UQCC5: variants seen among roughly 807,000 people sequenced by gnomAD.
UQCC5 encodes the protein ubiquinol-cytochrome c reductase complex assembly factor 5, also known as UPF0640 protein C3orf78.
the UQCC5 span, among the ~76,000 whole-genome samples, chr3:52,537,307 C>T: frequency 3.3e-5 from 5 of 152,224 alleles, no homozygotes; most frequent in African/African-American, 4.8e-5. Flanking sequence ...CTGGAGGGAG[C>T]TGATCTGCCT....
At chr3:52,538,355 T>C in the UQCC5 span, among the ~76,000 whole-genome samples, 12 of 152,314 alleles carry the variant, frequency 7.9e-5, no homozygotes, top group Admixed American at 2.6e-4. Context: ...GAGGTAGATA[T>C]GGTTATACAG....
the UQCC5 span, among the ~76,000 whole-genome samples, chr3:52,539,811 G>C: frequency 2.6e-5 from 4 of 152,042 alleles, no homozygotes; most frequent in African/African-American, 7.2e-5. Context: ...GTTAATTTTT[G>C]TATTTTTAGT....
At chr3:52,539,926 T>C in the UQCC5 span, among the ~76,000 whole-genome samples, 2 of 152,234 alleles carry the variant, frequency 1.3e-5, no homozygotes, top group African/African-American at 2.4e-5. Flanking sequence ...CGTGAGCCAC[T>C]GTGCCCGGCC....
the UQCC5 span, chr3:52,540,618 T>C: frequency 3.0e-6 from 2 of 662,048 alleles, no homozygotes; most frequent in Non-Finnish European, 4.8e-6. Flanking sequence ...TTCCAATAAC[T>C]GTTTTTGCAA....
the UQCC5 span, among the ~76,000 whole-genome samples, chr3:52,539,941 A>G: frequency 6.6e-6 from 1 of 152,172 alleles, no homozygotes; most frequent in Non-Finnish European, 1.5e-5. Context: ...CCGGCCTGGA[A>G]AGAAGATTCT....
At chr3:52,538,964 C>T in the UQCC5 span, among the ~76,000 whole-genome samples, 1 of 152,042 alleles carries the variant, frequency 6.6e-6, no homozygotes, top group African/African-American at 2.4e-5. Flanking sequence ...AGATACTGGA[C>T]CCTTGAGAGG....
the UQCC5 span, among the ~76,000 whole-genome samples, chr3:52,538,622 C>T: frequency 2.6e-5 from 4 of 152,066 alleles, no homozygotes; most frequent in South Asian, 2.1e-4. Flanking sequence ...CCACCACGCC[C>T]GGCTAATTTT....
the UQCC5 span, chr3:52,536,906 TGTAA>T: frequency 3.2e-6 from 5 of 1,551,574 alleles, no homozygotes; most frequent in South Asian, 1.2e-5. Context: ...GGAGACCTTC[TGTAA>T]GTGAGGGGGT....
the UQCC5 span, among the ~76,000 whole-genome samples, chr3:52,538,090 T>C: frequency 3.3e-5 from 5 of 152,150 alleles, no homozygotes; most frequent in Non-Finnish European, 7.3e-5. Flanking sequence ...GTGGACAGAT[T>C]GGTAGGAACA....
At chr3:52,536,810 C>T in the UQCC5 span, 2 of 1,551,760 alleles carry the variant, frequency 1.3e-6, no homozygotes, top group Non-Finnish European at 8.7e-7. Flanking sequence ...CGGGAAGCAG[C>T]GATTTGGCAT....
At chr3:52,539,577 G>A in the UQCC5 span, among the ~76,000 whole-genome samples, 1 of 152,144 alleles carries the variant, frequency 6.6e-6, no homozygotes, top group African/African-American at 2.4e-5. Context: ...GGGGCATGAT[G>A]GAGAGCAGGT....
chr3:52,540,159 G>A, the UQCC5 span, among the ~76,000 whole-genome samples: 1 of 152,104 alleles, frequency 6.6e-6, no homozygotes, highest in Non-Finnish European at 1.5e-5. Context: ...AGGAAGTGAG[G>A]GACATCTTAA....
At chr3:52,538,070 A>G in the UQCC5 span, among the ~76,000 whole-genome samples, 4 of 152,240 alleles carry the variant, frequency 2.6e-5, no homozygotes, top group Non-Finnish European at 5.9e-5. Flanking sequence ...CATGTGGAGA[A>G]TGGCTCCTTG....
the UQCC5 span, chr3:52,540,665 C>G: frequency 1.9e-6 from 1 of 523,166 alleles, no homozygotes; most frequent in Admixed American, 4.0e-5. Context: ...TGAGTACTTC[C>G]CAAGTCACTG....
At chr3:52,538,618 C>T in the UQCC5 span, among the ~76,000 whole-genome samples, 10 of 152,152 alleles carry the variant, frequency 6.6e-5, no homozygotes, top group African/African-American at 9.7e-5. Flanking sequence ...TGCACCACCA[C>T]GCCCGGCTAA....
At chr3:52,536,931 G>A in the UQCC5 span, 2 of 1,550,916 alleles carry the variant, frequency 1.3e-6, no homozygotes, top group African/African-American at 2.7e-5. Flanking sequence ...AGCAGTCTCT[G>A]TTTCCTTTCA....
the UQCC5 span, chr3:52,536,735 T>C: frequency 6.4e-7 from 1 of 1,551,632 alleles, no homozygotes; most frequent in Non-Finnish European, 8.7e-7. Context: ...GTCATATCCC[T>C]CTCCACGACC....
At chr3:52,540,503 C>A in the UQCC5 span, 1 of 1,496,420 alleles carries the variant, frequency 6.7e-7, no homozygotes, top group Non-Finnish European at 8.9e-7. Context: ...CTTCAGCAGT[C>A]AATAAAGTCA....
chr3:52,536,712 A>G, the UQCC5 span: 4 of 1,549,388 alleles, frequency 2.6e-6, no homozygotes, highest in African/African-American at 5.5e-5. Context: ...CGGGCGATCC[A>G]GTGCTTAGTT....
Sources: allele counts gnomAD v4.1 joint callset (sites outside exome capture counted in the v4.1 genomes callset), GRCh38; gene constraint gnomAD v4.1.1; transcripts MANE v1.5; gene names NCBI Gene and HGNC (gene_info 2026-07-23, HGNC 2026-07-21).